The following SUPT3H variants were observed in gnomAD, a reference collection of about 807,000 sequenced individuals.
SUPT3H encodes SPT3 homolog, SAGA and STAGA complex component.
Under a neutral mutation model 44.3 loss-of-function variants are expected in SUPT3H, and 44 were observed. That is an observed-to-expected ratio of 0.99 (90% CI 0.78 to 1.28). SUPT3H has a LOEUF of 1.28. SUPT3H is among the 50% of genes most tolerant of loss of function. The probability of loss-of-function intolerance (pLI) is 0.00; values close to 1 mark genes in which losing one functional copy is unlikely to be tolerated. For synonymous variants in SUPT3H, 124 were observed against 125.6 expected, an observed-to-expected ratio of 0.99 and a Z score of 0.09; for missense variants, 380 against 387.1, an observed-to-expected ratio of 0.98 and a Z score of 0.15.
intron 2 of SUPT3H, among the ~76,000 whole-genome samples, chr6:45,165,244 C>A (rs1038354239): frequency 1.3e-5 from 2 of 152,082 alleles, no homozygotes; most frequent in African/African-American, 4.8e-5. Flanking sequence ...TACCAGAGAG[C>A]CCATACTAAG....
At chr6:44,884,755 C>T (rs1057358372) in intron 10 of SUPT3H, among the ~76,000 whole-genome samples, 1 of 152,130 alleles carries the variant, frequency 6.6e-6, no homozygotes, top group African/African-American at 2.4e-5. Flanking sequence ...GAGTGCCAGA[C>T]AGTGGGCGCA....
intron 2 of SUPT3H, among the ~76,000 whole-genome samples, chr6:45,326,350 A>G (rs972505083): frequency 6.6e-6 from 1 of 151,944 alleles, no homozygotes. Context: ...TGGAAATCCC[A>G]CAAGCTATAA....
At chr6:45,146,821 ACAT>A (rs1391219463) in intron 2 of SUPT3H, among the ~76,000 whole-genome samples, 1 of 152,138 alleles carries the variant, frequency 6.6e-6, no homozygotes, top group East Asian at 1.9e-4. Flanking sequence ...AAGAAGCAGC[ACAT>A]CATAAGTAAG....
chr6:44,928,934 A>C (rs1770079289), intron 10 of SUPT3H, among the ~76,000 whole-genome samples: 1 of 150,720 alleles, frequency 6.6e-6, no homozygotes, highest in Non-Finnish European at 1.5e-5. Context: ...CACCAATGAA[A>C]ACCAATATGC....
rs1767880106 is a variant in SUPT3H at position 44,827,365 on chromosome 6, T to TAATA, written c.*2447_*2450dup. ...GCCATAAAACCCCAACATGTCTTAG[T>TAATA]AATATTCTTATGCTAACCCAGTATG... is the stretch of plus-strand genomic sequence containing the variant. On this transcript the variant is annotated 3_prime_UTR_variant, in exon 11 of 11. Transcript: ENST00000371459. Among the ~76,000 whole-genome samples, 1 of 152,152 alleles carries TAATA rather than the reference T, an allele frequency of 6.6e-6. No homozygotes were observed. The highest frequency in any genetic ancestry group is 1.5e-5 in the Non-Finnish European group (1 of 67,990).
At chr6:45,003,519 A>G in intron 6 of SUPT3H, 134 bp downstream of exon 6, 1 of 1,002,410 alleles carries the variant, frequency 1.0e-6, no homozygotes, top group Admixed American at 2.9e-5. Flanking sequence ...TCCTCTGCAC[A>G]TCGCTGCCAT....
chr6:45,273,349 C>A (rs902083619), intron 2 of SUPT3H, among the ~76,000 whole-genome samples: 1 of 152,142 alleles, frequency 6.6e-6, no homozygotes, highest in African/African-American at 2.4e-5. Flanking sequence ...TCTCTTGGGG[C>A]ACTGTCGTCC....
At chr6:44,905,045 T>G (rs1239139654) in intron 10 of SUPT3H, among the ~76,000 whole-genome samples, 2 of 152,002 alleles carry the variant, frequency 1.3e-5, no homozygotes, top group African/African-American at 4.8e-5. Flanking sequence ...ACTTAAACGT[T>G]AGACCTAAAA....
chr6:45,127,267 T>C (rs1032487985), intron 2 of SUPT3H, among the ~76,000 whole-genome samples: 5 of 152,108 alleles, frequency 3.3e-5, no homozygotes, highest in African/African-American at 9.7e-5. Flanking sequence ...TGAGCTGAGA[T>C]CGTGCCACCA....
intron 9 of SUPT3H, among the ~76,000 whole-genome samples, chr6:44,948,604 A>C (rs1279892581): frequency 6.6e-6 from 1 of 152,270 alleles, no homozygotes; most frequent in African/African-American, 2.4e-5. Flanking sequence ...ACTTCTCAAA[A>C]GAAGACATTT....
At chr6:44,908,493 C>T (rs899509089) in intron 10 of SUPT3H, among the ~76,000 whole-genome samples, 1 of 152,064 alleles carries the variant, frequency 6.6e-6, no homozygotes, top group Non-Finnish European at 1.5e-5. Flanking sequence ...CACTGAATCT[C>T]AATTCTAAAC....
At chr6:45,326,257 C>A (rs1786320037) in intron 2 of SUPT3H, among the ~76,000 whole-genome samples, 1 of 151,652 alleles carries the variant, frequency 6.6e-6, no homozygotes, top group East Asian at 1.9e-4. Context: ...AGAAGAAAAC[C>A]ATTTGCTGAT....
At chr6:45,028,896 CAAAAAAAAAAAAAAAA>C (rs57234806) in intron 3 of SUPT3H, among the ~76,000 whole-genome samples, 2 of 71,052 alleles carry the variant, frequency 2.8e-5, no homozygotes, top group Non-Finnish European at 5.1e-5. Flanking sequence ...AAACAGTTGC[CAAAAAAAAAAAAAAAA>C]AAAAAAAAAG....
At chr6:45,312,578 A>G (rs1784114154) in intron 2 of SUPT3H, among the ~76,000 whole-genome samples, 1 of 151,642 alleles carries the variant, frequency 6.6e-6, no homozygotes, top group South Asian at 2.1e-4. Flanking sequence ...CCAACAGGAA[A>G]ATATCATAAT....
intron 6 of SUPT3H, among the ~76,000 whole-genome samples, chr6:44,991,374 G>A (rs1780589325): frequency 6.6e-6 from 1 of 152,024 alleles, no homozygotes; most frequent in Non-Finnish European, 1.5e-5. Context: ...CTAGAAAATG[G>A]AGAATCATGA....
intron 2 of SUPT3H, among the ~76,000 whole-genome samples, chr6:45,108,172 TA>T (rs1159989609): frequency 6.6e-6 from 1 of 152,078 alleles, no homozygotes; most frequent in African/African-American, 2.4e-5. Context: ...GCAAAGCAAT[TA>T]GGTAAGAAAA....
intron 2 of SUPT3H, among the ~76,000 whole-genome samples, chr6:45,345,368 A>C (rs1267226574): frequency 6.6e-6 from 1 of 152,116 alleles, no homozygotes; most frequent in Non-Finnish European, 1.5e-5. Context: ...GCAGACTTTT[A>C]CCTTCTAGAT....
At chr6:45,107,850 ATAAG>A (rs1165653054) in intron 2 of SUPT3H, among the ~76,000 whole-genome samples, 1 of 152,228 alleles carries the variant, frequency 6.6e-6, no homozygotes, top group Non-Finnish European at 1.5e-5. Flanking sequence ...ACCTGAATAA[ATAAG>A]TATCTATTAA....
downstream of SUPT3H, among the ~76,000 whole-genome samples, chr6:44,823,999 C>T: frequency 6.6e-6 from 1 of 152,116 alleles, no homozygotes; most frequent in East Asian, 1.9e-4. Flanking sequence ...AACTGCTTGG[C>T]TGTGGTTTAG....
Sources: gnomAD v4.1 joint callset for allele counts (sites outside exome capture counted in the v4.1 genomes callset) on GRCh38, gnomAD v4.1.1 for gene constraint, MANE v1.5 for transcripts, NCBI Gene and HGNC (gene_info 2026-07-23, HGNC 2026-07-21) for gene names.